The following PLPP1 variants were observed in gnomAD, a reference collection of about 807,000 sequenced individuals.
PLPP1 encodes the protein lipid phosphate phosphohydrolase 1a.
In PLPP1, 24 loss-of-function variants were observed where a neutral mutation model predicts 31.2. The ratio of observed to expected loss-of-function variants is 0.77; its 90% CI spans 0.56 to 1.08. PLPP1 has a LOEUF of 1.08. Ranked by LOEUF, PLPP1 falls within the 50% of genes least tolerant of loss-of-function variation. PLPP1 has a pLI of 0.00. For synonymous variants in PLPP1, 146 were observed against 126.3 expected (o/e 1.16, Z -1.05); for missense variants, 319 against 342.7 (o/e 0.93, Z 0.55).
intron 1 of PLPP1, among the ~76,000 whole-genome samples, chr5:55,477,038 A>G (rs1315917346): frequency 2.6e-5 from 1 of 39,128 alleles, no homozygotes; most frequent in African/African-American, 6.3e-5. Flanking sequence ...GCCTTAAAAG[A>G]AAAAAAAAAA....
intron 1 of PLPP1, among the ~76,000 whole-genome samples, chr5:55,502,563 T>C (rs1753171647): frequency 6.6e-6 from 1 of 152,222 alleles, no homozygotes; most frequent in Admixed American, 6.5e-5. Flanking sequence ...TACAGAGCTC[T>C]TGATATATGG....
intron 1 of PLPP1, among the ~76,000 whole-genome samples, chr5:55,532,976 A>G (rs982883841): frequency 4.7e-5 from 7 of 149,422 alleles, no homozygotes; most frequent in Admixed American, 2.0e-4. Flanking sequence ...AAAAAAGACA[A>G]TGTGCCAAAA....
At chr5:55,437,270 T>C (rs545472598) in intron 4 of PLPP1, among the ~76,000 whole-genome samples, 1 of 152,358 alleles carries the variant, frequency 6.6e-6, no homozygotes, top group South Asian at 2.1e-4. Context: ...GAGATATTTT[T>C]TGAAGCTGTT....
At chr5:55,438,567 G>C (rs1253329872) in intron 4 of PLPP1, among the ~76,000 whole-genome samples, 1 of 152,144 alleles carries the variant, frequency 6.6e-6, no homozygotes, top group Non-Finnish European at 1.5e-5. Flanking sequence ...AACAAGATGA[G>C]TCATTGCTCA....
intron 3 of PLPP1, among the ~76,000 whole-genome samples, chr5:55,444,051 T>C (rs1038454073): frequency 1.3e-5 from 2 of 152,000 alleles, no homozygotes; most frequent in Admixed American, 1.3e-4. Flanking sequence ...TCTGTATGGG[T>C]GGTTTAATAA....
At chr5:55,439,908 G>A (rs1751584519) in intron 4 of PLPP1, among the ~76,000 whole-genome samples, 1 of 152,084 alleles carries the variant, frequency 6.6e-6, no homozygotes, top group African/African-American at 2.4e-5. Context: ...AGATCTGCAT[G>A]AGCTGACCTT....
intron 1 of PLPP1, among the ~76,000 whole-genome samples, chr5:55,490,676 T>C (rs1752870467): frequency 6.6e-6 from 1 of 152,116 alleles, no homozygotes; most frequent in Admixed American, 6.5e-5. Flanking sequence ...TCTTCATTTG[T>C]TTACTGAGAG....
At chr5:55,493,896 AAT>A (rs1205417774) in intron 1 of PLPP1, among the ~76,000 whole-genome samples, 25 of 151,818 alleles carry the variant, frequency 1.6e-4, no homozygotes, top group Non-Finnish European at 8.8e-5. Context: ...AAAAAAAAAA[AAT>A]AGCTGGTCAT....
rs762493329 is a variant in PLPP1 at position 55,425,996 on chromosome 5, A to G, written c.593T>C (p.Leu198Ser). 3 of 1,613,182 alleles carry G rather than the reference A, an allele frequency of 1.9e-6. No homozygotes were observed. The highest frequency in any genetic ancestry group is 1.1e-5 in the South Asian group (1 of 90,726). ...AAGACCAAATTGCAGTGTGGGGCGT[A>G]AGAGTCTTGCCCAGTCTCCCTTCAT... ...ARMKGDWARL[L>S]RPTLQFGLVA... is the part of the protein sequence containing the mutation. Residue 198 changes from leucine to serine, a missense_variant, in exon 5 of 6, where the codon TTA becomes TCA. By Grantham distance (145) the Leu-to-Ser change is moderately radical (BLOSUM62 -2). Transcript: ENST00000307259.
chr5:55,487,852 G>A (rs1407462086), intron 1 of PLPP1, among the ~76,000 whole-genome samples: 2 of 152,132 alleles, frequency 1.3e-5, no homozygotes, highest in Non-Finnish European at 2.9e-5. Context: ...CATTAGGTCG[G>A]GCGTGGTGGC....
intron 3 of PLPP1, among the ~76,000 whole-genome samples, chr5:55,454,701 A>G (rs771136534): frequency 6.6e-6 from 1 of 152,228 alleles, no homozygotes; most frequent in Non-Finnish European, 1.5e-5. Context: ...ATCCTCTCAC[A>G]AAGTGAAGGA....
intron 1 of PLPP1, among the ~76,000 whole-genome samples, chr5:55,501,568 G>A (rs1753146571): frequency 6.6e-6 from 1 of 152,080 alleles, no homozygotes; most frequent in South Asian, 2.1e-4. Flanking sequence ...GCAATGGCGT[G>A]ATCTTGGCTC....
intron 1 of PLPP1, among the ~76,000 whole-genome samples, chr5:55,506,263 T>TTA (rs1554041192): frequency 2.6e-4 from 33 of 128,528 alleles, no homozygotes; most frequent in Admixed American, 3.9e-4. Flanking sequence ...AGCAAATTAC[T>TTA]AAAAAAAAAA....
rs144555318 is a variant in PLPP1, at chr5:55,437,384, C to CT, written c.549+4466dup. ...TATTCTATTGTTAATAAAGTAAGAACTTTTTTTTTTCCATTTTAAACTAGA... is the reference window on the plus strand; with the variant it reads ...TATTCTATTGTTAATAAAGTAAGAACTTTTTTTTTTTCCATTTTAAACTAGA... On this transcript the variant is annotated intron_variant, in intron 4 of 5. Transcript: ENST00000307259. Among the ~76,000 whole-genome samples, 22 of 150,310 alleles carry CT rather than the reference C, an allele frequency of 1.5e-4. No individual in the cohort carries two copies. In the East Asian group the frequency reaches 1.7e-3, roughly 12 times the overall value.
At chr5:55,474,738 T>A (rs1752498880) in intron 2 of PLPP1, among the ~76,000 whole-genome samples, 1 of 152,200 alleles carries the variant, frequency 6.6e-6, no homozygotes, top group South Asian at 2.1e-4. Flanking sequence ...AAACGGTAGG[T>A]ACATACATAC....
At chr5:55,443,426 G>A (rs1441632846) in intron 3 of PLPP1, among the ~76,000 whole-genome samples, 4 of 151,850 alleles carry the variant, frequency 2.6e-5, no homozygotes, top group Non-Finnish European at 4.4e-5. Context: ...ACACAGAATG[G>A]ATCAATACGA....
chr5:55,527,103 T>C (rs1350555733), intron 1 of PLPP1, among the ~76,000 whole-genome samples: 1 of 152,056 alleles, frequency 6.6e-6, no homozygotes, highest in African/African-American at 2.4e-5. Flanking sequence ...CAAATAAATG[T>C]TACGAGAAAA....
intron 1 of PLPP1, 60 bp downstream of exon 1, chr5:55,534,512 G>A (rs1393684254): frequency 6.8e-7 from 1 of 1,481,368 alleles, no homozygotes; most frequent in Non-Finnish European, 9.0e-7. Context: ...TCGCGGCTCT[G>A]CGCTAAAGCC....
At chr5:55,512,672 A>G (rs1418337377) in intron 1 of PLPP1, among the ~76,000 whole-genome samples, 1 of 152,142 alleles carries the variant, frequency 6.6e-6, no homozygotes, top group Non-Finnish European at 1.5e-5. Context: ...AAACCTATAC[A>G]ATGAAATACT....
Sources: allele counts gnomAD v4.1 joint callset (sites outside exome capture counted in the v4.1 genomes callset), GRCh38; gene constraint gnomAD v4.1.1; transcripts MANE v1.5; gene names NCBI Gene and HGNC (gene_info 2026-07-23, HGNC 2026-07-21).